The following WWOX variants were observed in gnomAD, a reference collection of about 807,000 sequenced individuals.
WWOX encodes the protein WW domain-containing oxidoreductase.
Under a neutral mutation model 46.2 loss-of-function variants are expected in WWOX, and 69 were observed. The observed-to-expected ratio is 1.49, with a 90% confidence interval of 1.23 to 1.82. The LOEUF (loss-of-function observed/expected upper bound fraction) is 1.82, where lower values mean the gene tolerates loss of function less well. WWOX is among the 40% of genes most tolerant of loss of function. The pLI is 0.00. For missense variants in WWOX, 919 were observed against 542.6 expected (o/e 1.69, Z -6.89); for synonymous variants, 359 against 202.6 (o/e 1.77, Z -6.56).
At chr16:78,498,778 A>G (rs1489026696) in intron 8 of WWOX, among the ~76,000 whole-genome samples, 1 of 152,144 alleles carries the variant, frequency 6.6e-6, no homozygotes, top group Non-Finnish European at 1.5e-5. Context: ...ATAGTTCACT[A>G]TAATCTCGAA....
chr16:78,503,542 C>T (rs2085120532), intron 8 of WWOX: 1 of 152,054 alleles, frequency 6.6e-6, no homozygotes, highest in Non-Finnish European at 1.5e-5. Flanking sequence ...TATTTTCTCT[C>T]TAAAAGCATA....
intron 8 of WWOX, among the ~76,000 whole-genome samples, chr16:79,064,953 G>C (rs74794325): frequency 0.057 from 8,693 of 152,244 alleles, 299 homozygotes; most frequent in South Asian, 0.094. Flanking sequence ...TGTGTTTATA[G>C]AGATGGAGCA....
At chr16:78,992,873 C>T (rs887402346) in intron 8 of WWOX, among the ~76,000 whole-genome samples, 3 of 151,966 alleles carry the variant, frequency 2.0e-5, no homozygotes, top group South Asian at 2.1e-4. Flanking sequence ...CAGGATTTAA[C>T]GACCCGCAAA....
intron 8 of WWOX, among the ~76,000 whole-genome samples, chr16:78,789,546 C>T (rs1416787289): frequency 6.6e-6 from 1 of 152,106 alleles, no homozygotes; most frequent in Non-Finnish European, 1.5e-5. Flanking sequence ...GTTTTGGTTA[C>T]TGTACTCTGT....
Position 79,212,550 on chromosome 16 carries a change from G to A in WWOX, c.*754G>A, listed in dbSNP as rs554535786. ...TATTTTGGGGGGCAGAGAATAAAAC[G>A]TTAGTTAATCCCTTTGTCTGTCAAT... On this transcript the variant is annotated 3_prime_UTR_variant, in exon 9 of 9. Transcript: ENST00000566780. The A allele has an allele frequency of 4.3e-4, 72 of 168,748 alleles. No homozygotes were observed. The highest frequency in any genetic ancestry group is 1.4e-3 in the African/African-American group (59 of 41,908). 10.5% of individuals were successfully genotyped at this position (168,748 alleles called of 1,614,324 possible). A position where few individuals can be genotyped will look rare whatever the true frequency, so the allele number is the denominator to read the frequency against.
chr16:78,936,290 G>C (rs536579370), intron 8 of WWOX, among the ~76,000 whole-genome samples: 1 of 152,288 alleles, frequency 6.6e-6, no homozygotes, highest in Admixed American at 6.5e-5. Flanking sequence ...CAGAGCTTAA[G>C]ATGGCTGCGT....
intron 6 of WWOX, among the ~76,000 whole-genome samples, chr16:78,418,218 G>T (rs939753212): frequency 2.0e-5 from 3 of 151,934 alleles, no homozygotes; most frequent in Admixed American, 6.5e-5. Flanking sequence ...AACAAGATTA[G>T]TGGGGCGTGG....
chr16:78,857,967 T>C (rs1222064429), intron 8 of WWOX, among the ~76,000 whole-genome samples: 7 of 152,200 alleles, frequency 4.6e-5, no homozygotes, highest in East Asian at 1.9e-4. Context: ...AATGCTTTTT[T>C]AGCGTTATTT....
At chr16:78,289,539 C>T (rs1159280808) in intron 5 of WWOX, among the ~76,000 whole-genome samples, 1 of 152,156 alleles carries the variant, frequency 6.6e-6, no homozygotes, top group Non-Finnish European at 1.5e-5. Context: ...CAGGGAAGTA[C>T]TTTTCCCAAC....
intron 8 of WWOX, among the ~76,000 whole-genome samples, chr16:78,574,153 G>C (rs1392328033): frequency 1.3e-5 from 2 of 152,186 alleles, no homozygotes; most frequent in Non-Finnish European, 2.9e-5. Flanking sequence ...GAATATCTGG[G>C]CTTTTCCCAC....
intron 3 of WWOX, 100 bp downstream of exon 3, chr16:78,109,935 A>G (rs1464740302): frequency 1.6e-6 from 2 of 1,265,528 alleles, no homozygotes; most frequent in Non-Finnish European, 2.3e-6. Context: ...AATACAAAGT[A>G]TAACAGTGTG....
chr16:78,847,754 T>C (rs1028693579), intron 8 of WWOX, among the ~76,000 whole-genome samples: 7 of 151,514 alleles, frequency 4.6e-5, no homozygotes, highest in African/African-American at 1.7e-4. Flanking sequence ...TGGTAAATTG[T>C]AAAAATGGTA....
intron 8 of WWOX, among the ~76,000 whole-genome samples, chr16:79,070,921 C>T (rs2048538255): frequency 6.6e-6 from 1 of 152,182 alleles, no homozygotes; most frequent in Non-Finnish European, 1.5e-5. Context: ...CAGCACAGAA[C>T]ATTTTGACAA....
intron 8 of WWOX, among the ~76,000 whole-genome samples, chr16:78,816,971 G>A (rs186252642): frequency 2.6e-5 from 4 of 151,940 alleles, no homozygotes; most frequent in Non-Finnish European, 5.9e-5. Context: ...AAATACCTTG[G>A]GCCTGAGCTA....
At chr16:79,133,419 C>A (rs2049921302) in intron 8 of WWOX, among the ~76,000 whole-genome samples, 1 of 152,190 alleles carries the variant, frequency 6.6e-6, no homozygotes, top group Non-Finnish European at 1.5e-5. Flanking sequence ...CTATGACACA[C>A]ATTCATATTG....
chr16:78,180,820 G>A (rs1255419150), intron 5 of WWOX, among the ~76,000 whole-genome samples: 2 of 152,198 alleles, frequency 1.3e-5, no homozygotes, highest in Non-Finnish European at 2.9e-5. Flanking sequence ...CCCAGAGCAG[G>A]TGTATACATG....
rs989041568 is a variant in WWOX at position 78,874,689 on chromosome 16, T to C, written c.1057-336919T>C. 9.9e-5 allele frequency among the ~76,000 whole-genome samples: 14 copies of C among 141,156 alleles called. No homozygotes were observed. In the South Asian group the frequency reaches 1.9e-3, roughly 19 times the overall value. The allele number at this position is 141,156 out of a possible 152,430, so 92.6% of individuals were successfully genotyped here. A position where few individuals can be genotyped will look rare whatever the true frequency, so the allele number is the denominator to read the frequency against. On this transcript the variant is annotated intron_variant, in intron 8 of 8. Coordinates refer to ENST00000566780, the MANE Select transcript of WWOX (RefSeq NM_016373.4). ...TGTGACCAGAAGATTTTTTTCTTTT[T>C]TTTTTTTTTTTTTTTTTTGGCTGAC...
intron 8 of WWOX, among the ~76,000 whole-genome samples, chr16:78,778,047 A>G (rs1258907378): frequency 2.8e-5 from 4 of 145,098 alleles, no homozygotes; most frequent in African/African-American, 1.0e-4. Flanking sequence ...TCCATCTGAA[A>G]AAAAAAAAAA....
At chr16:78,148,897 CAAAAA>C (rs34225165) in intron 4 of WWOX, among the ~76,000 whole-genome samples, 2 of 53,226 alleles carry the variant, frequency 3.8e-5, no homozygotes, top group African/African-American at 1.6e-4. Flanking sequence ...GACTCCGTCT[CAAAAA>C]AAAAAAAAAA....
Sources: allele counts gnomAD v4.1 joint callset (sites outside exome capture counted in the v4.1 genomes callset), GRCh38; gene constraint gnomAD v4.1.1; transcripts MANE v1.5; gene names NCBI Gene and HGNC (gene_info 2026-07-23, HGNC 2026-07-21).